LRMDA: variants seen among roughly 807,000 people sequenced by gnomAD.
The protein encoded by LRMDA is leucine-rich melanocyte differentiation-associated protein.
A neutral mutation model predicts 29.8 loss-of-function variants in LRMDA; 18 were observed. That is an observed-to-expected ratio of 0.60 (90% CI 0.42 to 0.90). The LOEUF (loss-of-function observed/expected upper bound fraction) is 0.90, where lower values mean the gene tolerates loss of function less well. Ranked by LOEUF, LRMDA falls within the 40% of genes least tolerant of loss-of-function variation. The pLI is 0.00. For synonymous variants in LRMDA, 125 were observed against 109.4 expected, an observed-to-expected ratio of 1.14 and a Z score of -0.89; for missense variants, 273 against 273.9, an observed-to-expected ratio of 1.00 and a Z score of 0.02.
At chr10:75,901,162 T>A (rs1845665533) in intron 2 of LRMDA, among the ~76,000 whole-genome samples, 1 of 152,114 alleles carries the variant, frequency 6.6e-6, no homozygotes, top group Admixed American at 6.5e-5. Context: ...TCTGTGTGAG[T>A]CACCTTGAAC....
At chr10:76,194,813 ATACTC>A (rs1851305320) in intron 5 of LRMDA, among the ~76,000 whole-genome samples, 1 of 152,206 alleles carries the variant, frequency 6.6e-6, no homozygotes, top group Non-Finnish European at 1.5e-5. Context: ...AGGCCACAAA[ATACTC>A]TATCAAACAA....
chr10:75,668,134 A>G (rs2132140570), intron 2 of LRMDA, among the ~76,000 whole-genome samples: 1 of 152,354 alleles, frequency 6.6e-6, no homozygotes, highest in South Asian at 2.1e-4. Flanking sequence ...TACTTCTGCC[A>G]ATAATCCTTG....
At chr10:76,060,125 G>A (rs973654240) in intron 5 of LRMDA, among the ~76,000 whole-genome samples, 2 of 152,106 alleles carry the variant, frequency 1.3e-5, no homozygotes, top group African/African-American at 4.8e-5. Context: ...TAGCCAGCAT[G>A]ACCAAACCCA....
chr10:75,884,259 G>A (rs1845342955), intron 2 of LRMDA, among the ~76,000 whole-genome samples: 1 of 148,012 alleles, frequency 6.8e-6, no homozygotes, highest in Non-Finnish European at 1.5e-5. Flanking sequence ...GTGTGTGTGT[G>A]TGTGTGTGTG....
chr10:76,135,197 G>A lies in LRMDA; in HGVS notation c.516+76414G>A, dbSNP rs61201359. On this transcript the variant is annotated intron_variant, in intron 5 of 6. Transcript: ENST00000611255. Reference sequence around the variant, plus strand: ...ACCAGAAGAGAAGGGCAGCCACTGAGGATCTCATAATGCCCACAAATGTGC... The same window carrying A: ...ACCAGAAGAGAAGGGCAGCCACTGAAGATCTCATAATGCCCACAAATGTGC... 5.3e-3 allele frequency among the ~76,000 whole-genome samples: 806 copies of A among 152,318 alleles called. 6 individuals are homozygous for A. The highest frequency in any genetic ancestry group is 0.018 in the African/African-American group (732 of 41,582).
rs75743837 is a variant in LRMDA at position 75,600,796 on chromosome 10, C to A, written c.131+162302C>A. On this transcript the variant is annotated intron_variant, in intron 2 of 6. Transcript: ENST00000611255. ...AAGCCTGGGCTAAGTTCTGCCTGGACCTTTTGAAGAAATGTTGAAATGTTG... is the reference window on the plus strand; with the variant it reads ...AAGCCTGGGCTAAGTTCTGCCTGGAACTTTTGAAGAAATGTTGAAATGTTG... Among the ~76,000 whole-genome samples, 598 of 152,306 alleles carry A rather than the reference C, an allele frequency of 3.9e-3. 3 individuals are homozygous for A. Among genetic ancestry groups the A allele is most frequent in the African/African-American group, 0.013 (558 of 41,566 alleles).
chr10:75,795,150 C>T (rs952929781), intron 2 of LRMDA, among the ~76,000 whole-genome samples: 2 of 152,118 alleles, frequency 1.3e-5, no homozygotes, highest in African/African-American at 4.8e-5. Flanking sequence ...AATCCCAGCA[C>T]TTTGGGAGGC....
chr10:75,474,443 G>C (rs1241250581), intron 2 of LRMDA, among the ~76,000 whole-genome samples: 2 of 152,308 alleles, frequency 1.3e-5, no homozygotes, highest in East Asian at 3.9e-4. Flanking sequence ...ATGGCAGAAG[G>C]GGCAAGGGGT....
intron 2 of LRMDA, among the ~76,000 whole-genome samples, chr10:75,991,797 T>A (rs1471684476): frequency 6.6e-6 from 1 of 152,186 alleles, no homozygotes; most frequent in Non-Finnish European, 1.5e-5. Flanking sequence ...CAGAGTTAAA[T>A]CTCTGGCTTC....
At chr10:75,573,582 C>A (rs541850394) in intron 2 of LRMDA, among the ~76,000 whole-genome samples, 5 of 152,170 alleles carry the variant, frequency 3.3e-5, no homozygotes, top group South Asian at 4.2e-4. Flanking sequence ...TGAGCCCATC[C>A]ATCATATTTT....
intron 2 of LRMDA, among the ~76,000 whole-genome samples, chr10:75,925,176 T>A (rs1846099146): frequency 6.6e-6 from 1 of 152,190 alleles, no homozygotes; most frequent in African/African-American, 2.4e-5. Flanking sequence ...AAGAGGATTG[T>A]GAGTAAAACA....
chr10:75,976,185 C>G (rs1564621088), intron 2 of LRMDA, among the ~76,000 whole-genome samples: 1 of 152,258 alleles, frequency 6.6e-6, no homozygotes, highest in African/African-American at 2.4e-5. Context: ...GCAGAACTCT[C>G]TCTACTCTGT....
At chr10:75,490,748 C>G (rs146920299) in intron 2 of LRMDA, among the ~76,000 whole-genome samples, 2 of 152,304 alleles carry the variant, frequency 1.3e-5, no homozygotes, top group Non-Finnish European at 2.9e-5. Flanking sequence ...GACCCTACCA[C>G]TCAATGGCCT....
At chr10:75,457,726 G>GTT (rs1844536940) in intron 2 of LRMDA, among the ~76,000 whole-genome samples, 1 of 152,106 alleles carries the variant, frequency 6.6e-6, no homozygotes, top group Non-Finnish European at 1.5e-5. Flanking sequence ...TGCTGCTGCC[G>GTT]TTTATCTGGA....
intron 6 of LRMDA, among the ~76,000 whole-genome samples, chr10:76,538,397 G>T (rs979893470): frequency 6.7e-6 from 1 of 149,214 alleles, no homozygotes; most frequent in Non-Finnish European, 1.5e-5. Flanking sequence ...AAAAGTAGCT[G>T]AGTTTATTGA....
intron 6 of LRMDA, among the ~76,000 whole-genome samples, chr10:76,377,815 G>T (rs926541773): frequency 4.6e-5 from 7 of 152,112 alleles, no homozygotes; most frequent in Non-Finnish European, 1.5e-5. Context: ...GTAATGTGAT[G>T]CCTCCAGCTT....
chr10:75,506,180 A>G (rs145447526), intron 2 of LRMDA, among the ~76,000 whole-genome samples: 36 of 152,308 alleles, frequency 2.4e-4, no homozygotes, highest in Non-Finnish European at 4.3e-4. Context: ...CTTTCTGATT[A>G]CAACCAGGCT....
intron 2 of LRMDA, among the ~76,000 whole-genome samples, chr10:75,535,202 T>A (rs1022649498): frequency 1.3e-5 from 2 of 152,134 alleles, no homozygotes; most frequent in Admixed American, 1.3e-4. Context: ...TTTTTTTCCA[T>A]ATCAGGATTG....
intron 5 of LRMDA, among the ~76,000 whole-genome samples, chr10:76,234,036 G>T (rs958009496): frequency 6.6e-6 from 1 of 152,080 alleles, no homozygotes; most frequent in Non-Finnish European, 1.5e-5. Flanking sequence ...AATTTCTATT[G>T]CCCAGATCCA....
Sources: allele counts gnomAD v4.1 joint callset (sites outside exome capture counted in the v4.1 genomes callset), GRCh38; gene constraint gnomAD v4.1.1; transcripts MANE v1.5; gene names NCBI Gene and HGNC (gene_info 2026-07-23, HGNC 2026-07-21).